HOXB4: variants seen among roughly 807,000 people sequenced by gnomAD.
HOXB4 encodes homeobox B4, also known as homeobox protein Hox-B4.
In HOXB4, 13 loss-of-function variants were observed where a neutral mutation model predicts 20.0. The ratio of observed to expected loss-of-function variants is 0.65; its 90% CI spans 0.42 to 1.03. The LOEUF is 1.03. Ranked by LOEUF, HOXB4 falls within the 50% of genes least tolerant of loss-of-function variation. The probability of loss-of-function intolerance (pLI) is 0.00; values close to 1 mark genes in which losing one functional copy is unlikely to be tolerated. For missense variants in HOXB4, 343 were observed against 357.1 expected (o/e 0.96, Z 0.32); for synonymous variants, 173 against 148.9 (o/e 1.16, Z -1.18).
At chr17:48,577,775 G>T in intron 1 of HOXB4, 88 bp downstream of exon 1, 13 of 1,200,650 alleles carry the variant, frequency 1.1e-5, no homozygotes, top group Non-Finnish European at 1.4e-5. Context: ...GGCTTCCCCA[G>T]CTCAACCCCC....
rs780236068 is a variant in HOXB4, at chr17:48,576,714, C to T, written c.*8G>A. The T allele has an allele frequency of 3.6e-6, 5 of 1,404,000 alleles. No individual in the cohort carries two copies. In the East Asian group the frequency reaches 1.5e-4, roughly 42 times the overall value. The allele number at this position is 1,404,000 out of a possible 1,614,324, so 87.0% of individuals were successfully genotyped here. A position where few individuals can be genotyped will look rare whatever the true frequency, so the allele number is the denominator to read the frequency against. ...CCCCGAGGTTCGTGGCTCCCGCGTG[C>T]GGGGGCACTAGAGCGCGCGGGGGCC... On this transcript the variant is annotated 3_prime_UTR_variant, in exon 2 of 2. Transcript: ENST00000332503.
At position 48,576,207 on chromosome 17, in the gene HOXB4, G is replaced by C. The variant is rs1382354596; in HGVS notation, c.*515C>G. ...GTGGGGGACAAAGAAAGGAAATCCA[G>C]GCTGTCTTCCAGCAGCGGCAGTAGC... On this transcript the variant is annotated 3_prime_UTR_variant, in exon 2 of 2. Coordinates refer to ENST00000332503, the MANE Select transcript of HOXB4 (RefSeq NM_024015.5). 3 of 153,336 alleles carry C rather than the reference G, an allele frequency of 2.0e-5. No individual in the cohort carries two copies. The highest frequency in any genetic ancestry group is 1.3e-4 in the Admixed American group (2 of 15,308). 9.5% of individuals were successfully genotyped at this position (153,336 alleles called of 1,614,324 possible).
chr17:48,578,098 C>T lies in HOXB4; in HGVS notation c.222G>A (p.Pro74=). ...GCGGCGGGGGTGGTGGCGGAGGCGG[C>T]GGGGGCCCAGGGTCCCGGCAGGCCG... ...RYAACRDPGP[P]PPPPPPPPPP... The change falls in exon 1 of 2, where the codon CCG becomes CCA. Residue 74 remains proline, a synonymous_variant. Transcript: ENST00000332503. The T allele has an allele frequency of 2.6e-6, 2 of 763,980 alleles. No individual in the cohort carries two copies. The highest frequency in any genetic ancestry group is 3.5e-6 in the Non-Finnish European group (2 of 573,134). 47.3% of individuals were successfully genotyped at this position (763,980 alleles called of 1,614,324 possible). A position where few individuals can be genotyped will look rare whatever the true frequency, so the allele number is the denominator to read the frequency against.
intron 1 of HOXB4, 80 bp downstream of exon 1, chr17:48,577,783 C>G (rs180762674): frequency 2.4e-6 from 3 of 1,238,698 alleles, no homozygotes; most frequent in African/African-American, 1.5e-5. Flanking sequence ...CAGCTCAACC[C>G]CCCCCCAACC....
In HOXB4 at chr17:48,575,519, G is replaced by A. The variant is rs1037285484; in HGVS notation, c.*1203C>T. ...CAAAAACACGCTGTGCTGGTCACAA[G>A]AAACCAAACATTTATTTCTATTGTC... On this transcript the variant is annotated 3_prime_UTR_variant, in exon 2 of 2. Transcript: ENST00000332503. 13 of 152,420 alleles carry A rather than the reference G, an allele frequency of 8.5e-5. No homozygotes were observed. The highest frequency in any genetic ancestry group is 5.2e-4 in the Admixed American group (8 of 15,306). 9.4% of individuals were successfully genotyped at this position (152,420 alleles called of 1,614,324 possible). A position where few individuals can be genotyped will look rare whatever the true frequency, so the allele number is the denominator to read the frequency against.
Position 48,576,749 on chromosome 17 carries a change from C to T in HOXB4, c.729G>A (p.Arg243=). Residue 243 remains arginine (R), a synonymous_variant, in exon 2 of 2, where the codon CGG becomes CGA. Coordinates refer to ENST00000332503, the MANE Select transcript of HOXB4 (RefSeq NM_024015.5). Reference sequence around the variant, plus strand: ...AGAGCGCGCGGGGGCCTCCATTGGGCCGGCCAGGGGGCCCTCCGGCTGAGC... The same window carrying T: ...AGAGCGCGCGGGGGCCTCCATTGGGTCGGCCAGGGGGCCCTCCGGCTGAGC... ...AAGSAGGPPG[R]PNGGPRAL is the part of the protein sequence containing the mutation. 1 of 1,511,746 alleles carries T rather than the reference C, an allele frequency of 6.6e-7. No individual in the cohort carries two copies. Among genetic ancestry groups the T allele is most frequent in the Non-Finnish European group, 9.0e-7 (1 of 1,116,994 alleles). 93.6% of individuals were successfully genotyped at this position (1,511,746 alleles called of 1,614,324 possible). A position where few individuals can be genotyped will look rare whatever the true frequency, so the allele number is the denominator to read the frequency against.
At position 48,576,650 on chromosome 17, in the gene HOXB4, T is replaced by TGCCCCCCCCCCCAG; in HGVS notation, c.*71_*72insCTGGGGGGGGGGGC. ...GCCCAGGCCCCAGGGCCCCCTCCTG[T>TGCCCCCCCCCCCAG]CCCCCCACCCCATCCCCTGCACTCA... On this transcript the variant is annotated 3_prime_UTR_variant, in exon 2 of 2. Transcript: ENST00000332503. 3.5e-6 allele frequency: 2 copies of TGCCCCCCCCCCCAG among 567,770 alleles called. No homozygotes were observed. Among genetic ancestry groups the TGCCCCCCCCCCCAG allele is most frequent in the East Asian group, 5.2e-5 (1 of 19,332 alleles). The allele number at this position is 567,770 out of a possible 1,614,324, so 35.2% of individuals were successfully genotyped here.
At position 48,577,101 on chromosome 17, in the gene HOXB4, C is replaced by T. The variant is rs867249543; in HGVS notation, c.458-81G>A. 1.9e-5 allele frequency: 26 copies of T among 1,350,858 alleles called. No individual in the cohort carries two copies. In the African/African-American group the frequency reaches 3.1e-4, roughly 16 times the overall value. The allele number at this position is 1,350,858 out of a possible 1,614,324, so 83.7% of individuals were successfully genotyped here. A position where few individuals can be genotyped will look rare whatever the true frequency, so the allele number is the denominator to read the frequency against. ...GAGTCCTTTCTTCCAGGGAACACAG[C>T]GTTTCCCTCCCTCCCTCTCCCGCCA... On this transcript the variant is annotated intron_variant, in intron 1 of 1. Transcript: ENST00000332503.
rs2069790743 is a variant in HOXB4, at chr17:48,577,107, C to T, written c.458-87G>A. 3.1e-6 allele frequency: 4 copies of T among 1,298,494 alleles called. No homozygotes were observed. In the East Asian group the frequency reaches 9.5e-5, roughly 31 times the overall value. The allele number at this position is 1,298,494 out of a possible 1,614,324, so 80.4% of individuals were successfully genotyped here. A position where few individuals can be genotyped will look rare whatever the true frequency, so the allele number is the denominator to read the frequency against. ...TTTCTTCCAGGGAACACAGCGTTTC[C>T]CTCCCTCCCTCTCCCGCCACCTCTT... On this transcript the variant is annotated intron_variant, in intron 1 of 1. Transcript: ENST00000332503.
rs1281653761 is a variant in HOXB4 at position 48,575,592 on chromosome 17, C to CA, written c.*1129dup. 6.6e-6 allele frequency: 1 copy of CA among 152,486 alleles called. No homozygotes were observed. The highest frequency in any genetic ancestry group is 1.5e-5 in the Non-Finnish European group (1 of 68,034). The allele number at this position is 152,486 out of a possible 1,614,324, so 9.4% of individuals were successfully genotyped here. A position where few individuals can be genotyped will look rare whatever the true frequency, so the allele number is the denominator to read the frequency against. On this transcript the variant is annotated 3_prime_UTR_variant, in exon 2 of 2. Transcript: ENST00000332503. The stretch of plus-strand genomic sequence containing the variant: ...TCACACATACGAAGGGTTCTAGACT[C>CA]AAGCAGCCCCAGAGGTAGGAAGGGG...
In HOXB4 at chr17:48,578,347, T is replaced by C. The variant is rs761287120; in HGVS notation, c.-28A>G. ...ATTTCTGGGAATTGCCCACAAAATATACTAAAATTTATTCCGACCCCTGAC... is the reference window on the plus strand; with the variant it reads ...ATTTCTGGGAATTGCCCACAAAATACACTAAAATTTATTCCGACCCCTGAC... On this transcript the variant is annotated 5_prime_UTR_variant, in exon 1 of 2. Transcript: ENST00000332503. 5.0e-6 allele frequency: 8 copies of C among 1,595,988 alleles called. No homozygotes were observed. Among genetic ancestry groups the C allele is most frequent in the South Asian group, 1.1e-5 (1 of 88,362 alleles).
Position 48,578,304 on chromosome 17 carries a change from A to G in HOXB4, c.16T>C (p.Phe6Leu), listed in dbSNP as rs1216688406. MAMSS[F>L]LINSNYVDPK... is the part of the protein sequence containing the mutation. ...TCGACATAGTTTGAGTTGATCAAAAAAGAACTCATAGCCATTAATTTCTGG... is the reference window on the plus strand; with the variant it reads ...TCGACATAGTTTGAGTTGATCAAAAGAGAACTCATAGCCATTAATTTCTGG... Residue 6 changes from phenylalanine (F) to leucine (L), a missense_variant, in exon 1 of 2, where the codon TTT becomes CTT. Coordinates refer to ENST00000332503, the MANE Select transcript of HOXB4 (RefSeq NM_024015.5). 6.2e-7 allele frequency: 1 copy of G among 1,610,532 alleles called. No individual in the cohort carries two copies. The highest frequency in any genetic ancestry group is 1.7e-5 in the Admixed American group (1 of 59,524).
In HOXB4 at chr17:48,578,204, G is replaced by C; in HGVS notation, c.116C>G (p.Ala39Gly). ...GCTGCTCTCTCGCCTCTGGCCGCCG[G>C]CGTAGTACCCGGGCGAGTGGTCGCT... The part of the protein sequence containing the change: ...LPSDHSPGYY[A>G]GGQRRESSFQ... The change falls in exon 1 of 2, where the codon GCC (alanine) becomes GGC (glycine). Residue 39 changes from alanine to glycine, a missense_variant. This residue lies in a region of HOXB4 where 241 missense variants were observed against 222.0 expected (regional missense o/e 1.09). Coordinates refer to ENST00000332503, the MANE Select transcript of HOXB4 (RefSeq NM_024015.5). 6.2e-7 allele frequency: 1 copy of C among 1,613,682 alleles called. No individual in the cohort carries two copies. The highest frequency in any genetic ancestry group is 2.2e-5 in the East Asian group (1 of 44,868).
chr17:48,576,980 C>A lies in HOXB4; in HGVS notation c.498G>T (p.Arg166=). Residue 166 remains arginine, a synonymous_variant, in exon 2 of 2, where the codon CGG becomes CGT. Coordinates refer to ENST00000332503, the MANE Select transcript of HOXB4 (RefSeq NM_024015.5). ...NYAGGEPKRS[R]TAYTRQQVLE... is the part of the protein sequence containing the mutation. ...AGACCTGCTGGCGCGTGTAGGCGGT[C>A]CGAGAGCGCTTGGGCTCCCCGCCGG... 6.2e-7 allele frequency: 1 copy of A among 1,610,960 alleles called. No homozygotes were observed. The highest frequency in any genetic ancestry group is 1.7e-5 in the Admixed American group (1 of 59,896).
At position 48,578,045 on chromosome 17, in the gene HOXB4, C is replaced by G. The variant is rs1254723779; in HGVS notation, c.275G>C (p.Arg92Pro). 34 of 927,172 alleles carry G rather than the reference C, an allele frequency of 3.7e-5. No homozygotes were observed. In the East Asian group the frequency reaches 3.0e-3, roughly 81 times the overall value. The allele number at this position is 927,172 out of a possible 1,614,324, so 57.4% of individuals were successfully genotyped here. A position where few individuals can be genotyped will look rare whatever the true frequency, so the allele number is the denominator to read the frequency against. ...CCCGGCGGGTGGCGGCGCAGGAGCC[C>G]GAGGGGACAGACCGGGCGGTGGCGG... ...PPPPPPGLSPRAPAPPPAGAL... is the reference protein window; with the variant it reads ...PPPPPPGLSPPAPAPPPAGAL... Residue 92 changes from arginine (R) to proline (P), a missense_variant, in exon 1 of 2, where the codon CGG (arginine) becomes CCG (proline). Physicochemically the swap from Arg to Pro is moderately radical, Grantham distance 103. Around this residue, in one of 3 missense-constraint regions of HOXB4, gnomAD observed 241 missense variants for 222.0 expected, o/e 1.09. Transcript: ENST00000332503.
Position 48,575,689 on chromosome 17 carries a change from A to G in HOXB4, c.*1033T>C, listed in dbSNP as rs1356103099. 2.7e-5 allele frequency: 4 copies of G among 150,336 alleles called. No individual in the cohort carries two copies. Among genetic ancestry groups the G allele is most frequent in the Admixed American group, 2.6e-4 (4 of 15,194 alleles). The allele number at this position is 150,336 out of a possible 1,614,324, so 9.3% of individuals were successfully genotyped here. On this transcript the variant is annotated 3_prime_UTR_variant, in exon 2 of 2. Transcript: ENST00000332503. ...GACACAAAAAAATAGTAATAATAAT[A>G]TTATCAATAATAATAATAAACGATG... is the stretch of plus-strand genomic sequence containing the variant.
Position 48,577,785 on chromosome 17 carries a change from C to G in HOXB4, c.457+78G>C. The G allele has an allele frequency of 2.4e-6, 3 of 1,251,428 alleles. No homozygotes were observed. The South Asian group carries it at 8.7e-5, about 36-fold the overall frequency. The allele number at this position is 1,251,428 out of a possible 1,614,324, so 77.5% of individuals were successfully genotyped here. The stretch of plus-strand genomic sequence containing the variant: ...CAATTGGCTTCCCCAGCTCAACCCC[C>G]CCCCAACCCATGCCTCCGAAGTCCC... On this transcript the variant is annotated intron_variant, in intron 1 of 1. Transcript: ENST00000332503.
In HOXB4 at chr17:48,576,516, G is replaced by T. The variant is rs2069768190; in HGVS notation, c.*206C>A. 2 of 406,572 alleles carry T rather than the reference G, an allele frequency of 4.9e-6. No homozygotes were observed. Among genetic ancestry groups the T allele is most frequent in the Non-Finnish European group, 4.3e-6 (1 of 232,358 alleles). 25.2% of individuals were successfully genotyped at this position (406,572 alleles called of 1,614,324 possible). A position where few individuals can be genotyped will look rare whatever the true frequency, so the allele number is the denominator to read the frequency against. On this transcript the variant is annotated 3_prime_UTR_variant, in exon 2 of 2. Transcript: ENST00000332503. ...AGATTTGAATCTTGCTTCTGGGGGG[G>T]CCTCCCCGTGGCCCTCTATTGTCAT... is the stretch of plus-strand genomic sequence containing the variant.
At chr17:48,577,148 GA>G in intron 1 of HOXB4, 128 bp from the exon 2 acceptor site, 1 of 921,902 alleles carries the variant, frequency 1.1e-6, no homozygotes, top group South Asian at 1.7e-5. Context: ...TTCTGAGGGA[GA>G]GCGGGGAAAA....
Sources: allele counts gnomAD v4.1 joint callset, GRCh38; gene constraint gnomAD v4.1.1; regional missense constraint gnomAD v4.1.1; transcripts MANE v1.5; gene names NCBI Gene and HGNC (gene_info 2026-07-23, HGNC 2026-07-21).